Variants in PLCL2 observed in about 807,000 individuals in gnomAD.
The protein encoded by PLCL2 is inactive phospholipase C-like protein 2.
A neutral mutation model predicts 79.6 loss-of-function variants in PLCL2; 4 were observed. The ratio of observed to expected loss-of-function variants is 0.05; its 90% CI spans 0.02 to 0.11. The LOEUF is 0.11. Ranked by LOEUF, PLCL2 falls within the 10% of genes least tolerant of loss-of-function variation. PLCL2 has a pLI of 1.00. For synonymous variants in PLCL2, 484 were observed against 457.7 expected, an observed-to-expected ratio of 1.06 and a Z score of -0.73; for missense variants, 895 against 1,291.0, an observed-to-expected ratio of 0.69 and a Z score of 4.70.
intron 1 of PLCL2, among the ~76,000 whole-genome samples, chr3:16,903,318 G>C (rs1314189436): frequency 6.6e-6 from 1 of 152,072 alleles, no homozygotes; most frequent in African/African-American, 2.4e-5. Context: ...AAGGTATTTT[G>C]CTGCAGGCGA....
At chr3:16,929,612 C>T (rs572976452) in intron 1 of PLCL2, among the ~76,000 whole-genome samples, 9 of 152,230 alleles carry the variant, frequency 5.9e-5, no homozygotes, top group African/African-American at 1.9e-4. Flanking sequence ...TTCTGCTGAC[C>T]GTTGATGTGC....
chr3:16,904,453 G>A (rs1450345929), intron 1 of PLCL2, among the ~76,000 whole-genome samples: 1 of 152,116 alleles, frequency 6.6e-6, no homozygotes, highest in African/African-American at 2.4e-5. Context: ...TTCACAGGGA[G>A]GAGTTTACTG....
intron 3 of PLCL2, among the ~76,000 whole-genome samples, chr3:17,041,867 C>G (rs2064725333): frequency 6.6e-6 from 1 of 151,958 alleles, no homozygotes; most frequent in Admixed American, 6.6e-5. Context: ...TTACTTGTGC[C>G]TAGGAGTTGG....
intron 5 of PLCL2, among the ~76,000 whole-genome samples, chr3:17,072,408 C>T (rs1240464418): frequency 2.0e-5 from 3 of 152,062 alleles, no homozygotes; most frequent in African/African-American, 4.8e-5. Flanking sequence ...GTAGCTCACA[C>T]CTGTAATCCC....
intron 1 of PLCL2, among the ~76,000 whole-genome samples, chr3:16,948,488 G>A (rs139234593): frequency 5.3e-5 from 8 of 152,188 alleles, no homozygotes; most frequent in Non-Finnish European, 1.2e-4. Flanking sequence ...AAAAGTCATT[G>A]AATTGTACAC....
At chr3:16,935,714 A>T (rs1697522702) in intron 1 of PLCL2, among the ~76,000 whole-genome samples, 1 of 152,204 alleles carries the variant, frequency 6.6e-6, no homozygotes, top group Admixed American at 6.5e-5. Context: ...GATGTTATAT[A>T]TGTTGATAGA....
At chr3:17,019,960 A>G (rs2064430096) in intron 3 of PLCL2, among the ~76,000 whole-genome samples, 1 of 152,184 alleles carries the variant, frequency 6.6e-6, no homozygotes, top group South Asian at 2.1e-4. Context: ...GATACTCTTC[A>G]TAGTACACAG....
rs2064293853 is a variant in PLCL2 at position 17,009,150 on chromosome 3, A to G, written c.328-524A>G. ...CAGGCACCCGCCACCATGCCCGGCT[A>G]ATTTTTGTATTTTTAGTAGAGACAG... On this transcript the variant is annotated intron_variant, in intron 1 of 5. Coordinates refer to ENST00000615277, the MANE Select transcript of PLCL2 (RefSeq NM_001144382.2). This position sits in a 1 kb window ranked among gnomAD's most constrained non-coding sequence, Gnocchi z 4.0. 6.6e-6 allele frequency among the ~76,000 whole-genome samples: 1 copy of G among 151,880 alleles called. No homozygotes were observed. Among genetic ancestry groups the G allele is most frequent in the Non-Finnish European group, 1.5e-5 (1 of 67,970 alleles).
intron 4 of PLCL2, among the ~76,000 whole-genome samples, chr3:17,047,018 A>G (rs187045293): frequency 2.6e-5 from 4 of 152,342 alleles, no homozygotes; most frequent in East Asian, 1.9e-4. Flanking sequence ...AGTAAACAAT[A>G]TAAGCATGTT....
chr3:17,090,277 G>T lies in PLCL2; in HGVS notation c.*365G>T. 1.0e-6 allele frequency: 1 copy of T among 968,202 alleles called. No individual in the cohort carries two copies. Among genetic ancestry groups the T allele is most frequent in the Non-Finnish European group, 1.2e-6 (1 of 819,572 alleles). 60.0% of individuals were successfully genotyped at this position (968,202 alleles called of 1,614,324 possible). On this transcript the variant is annotated 3_prime_UTR_variant, in exon 6 of 6. Coordinates refer to ENST00000615277, the MANE Select transcript of PLCL2 (RefSeq NM_001144382.2). ...TTGGATTGTCAAATTATTATTTATT[G>T]GAGAAAAAAACCTGATCTACACATT...
chr3:16,902,721 G>A (rs556538106), intron 1 of PLCL2, among the ~76,000 whole-genome samples: 1 of 151,894 alleles, frequency 6.6e-6, no homozygotes, highest in Non-Finnish European at 1.5e-5. Flanking sequence ...CAGCTACTCA[G>A]GAGGCTGAGG....
intron 1 of PLCL2, among the ~76,000 whole-genome samples, chr3:16,985,895 A>G (rs915284871): frequency 2.0e-5 from 3 of 152,170 alleles, no homozygotes; most frequent in Admixed American, 2.0e-4. Context: ...ACAGTTTTCA[A>G]TATTCCCGGC....
intron 1 of PLCL2, among the ~76,000 whole-genome samples, chr3:16,958,711 C>T (rs1386028443): frequency 1.3e-5 from 2 of 152,210 alleles, no homozygotes; most frequent in African/African-American, 4.8e-5. Flanking sequence ...TAGATTTTAT[C>T]TGACTCTCTT....
chr3:16,989,308 G>A (rs2064081163), intron 1 of PLCL2, among the ~76,000 whole-genome samples: 1 of 152,098 alleles, frequency 6.6e-6, no homozygotes, highest in Non-Finnish European at 1.5e-5. Context: ...GGTGAATTTG[G>A]AATTAAAATA....
Position 17,009,071 on chromosome 3 carries a change from G to A in PLCL2, c.328-603G>A, listed in dbSNP as rs1257002481. On this transcript the variant is annotated intron_variant, in intron 1 of 5. Coordinates refer to ENST00000615277, the MANE Select transcript of PLCL2 (RefSeq NM_001144382.2). This position sits in a 1 kb window ranked among gnomAD's most constrained non-coding sequence, Gnocchi z 4.0. The stretch of plus-strand genomic sequence containing the variant: ...ACAATCTCAGCTCACTGCAACCTTT[G>A]CCTCACGGATTCAAACGATTCTCCT... Among the ~76,000 whole-genome samples the A allele has an allele frequency of 6.6e-6, 1 of 151,270 alleles. No homozygotes were observed. Among genetic ancestry groups the A allele is most frequent in the Non-Finnish European group, 1.5e-5 (1 of 67,908 alleles).
chr3:17,074,891 C>T lies in PLCL2; in HGVS notation c.3204+6826C>T, dbSNP rs982593622. ...TGGATTAGGCTTTGGCTTAAGAGAA[C>T]ATTGTGGCTGGTTTGATCTCCTATT... On this transcript the variant is annotated intron_variant, in intron 5 of 5. Transcript: ENST00000615277. Among the ~76,000 whole-genome samples, 7 of 152,320 alleles carry T rather than the reference C, an allele frequency of 4.6e-5. No homozygotes were observed. The South Asian group carries it at 1.2e-3, about 27-fold the overall frequency.
At position 16,936,638 on chromosome 3, in the gene PLCL2, G is replaced by T. The variant is rs116705055; in HGVS notation, c.327+51272G>T. On this transcript the variant is annotated intron_variant, in intron 1 of 5. Transcript: ENST00000615277. The stretch of plus-strand genomic sequence containing the variant: ...TTTATTCCTGAAAGAACAAAAAGTT[G>T]TTTCCCTGGGGAGATAATTTTGGGG... 5.2e-3 allele frequency among the ~76,000 whole-genome samples: 786 copies of T among 152,280 alleles called. 4 individuals are homozygous for T. Among genetic ancestry groups the T allele is most frequent in the African/African-American group, 0.019 (769 of 41,554 alleles).
rs114191161 is a variant in PLCL2, at chr3:16,901,404, A to G, written c.327+16038A>G. Among the ~76,000 whole-genome samples the G allele has an allele frequency of 7.2e-3, 1,099 of 152,166 alleles. 11 individuals carry two copies. Among genetic ancestry groups the G allele is most frequent in the African/African-American group, 0.023 (935 of 41,510 alleles). On this transcript the variant is annotated intron_variant, in intron 1 of 5. Coordinates refer to ENST00000615277, the MANE Select transcript of PLCL2 (RefSeq NM_001144382.2). ...GGAGCTTTGCAGAGAGCAGGACTCCACTCCATAGTCCAAGTCTGCATCCTC... is the reference window on the plus strand; with the variant it reads ...GGAGCTTTGCAGAGAGCAGGACTCCGCTCCATAGTCCAAGTCTGCATCCTC...
intron 1 of PLCL2, among the ~76,000 whole-genome samples, chr3:16,908,357 A>G (rs1293318255): frequency 1.3e-5 from 2 of 152,174 alleles, no homozygotes; most frequent in Admixed American, 6.5e-5. Flanking sequence ...TCAACTATCA[A>G]CAGTGTTCCA....
Sources: gnomAD v4.1 joint callset for allele counts (sites outside exome capture counted in the v4.1 genomes callset) on GRCh38, gnomAD v4.1.1 for gene constraint, Gnocchi (gnomAD v3.1) non-coding constraint, MANE v1.5 for transcripts, NCBI Gene and HGNC (gene_info 2026-07-23, HGNC 2026-07-21) for gene names.